Variants in VAV3 observed in about 807,000 individuals in gnomAD.
The protein encoded by VAV3 is guanine nucleotide exchange factor VAV3.
VAV3 carries 94 observed loss-of-function variants against 131.2 expected under a neutral mutation model. The ratio of observed to expected loss-of-function variants is 0.72; its 90% CI spans 0.61 to 0.85. VAV3 has a LOEUF of 0.85. Among genes scored for constraint, VAV3 ranks in the 40% least tolerant of loss-of-function variants. The pLI, the probability that VAV3 is intolerant of heterozygous loss-of-function variation, is 0.00. For synonymous variants in VAV3, 349 were observed against 342.0 expected, an observed-to-expected ratio of 1.02 and a Z score of -0.22; for missense variants, 939 against 1,002.7, an observed-to-expected ratio of 0.94 and a Z score of 0.86.
At chr1:107,796,124 T>C (rs557691232) in intron 2 of VAV3, among the ~76,000 whole-genome samples, 2 of 152,236 alleles carry the variant, frequency 1.3e-5, no homozygotes, top group East Asian at 1.9e-4. Flanking sequence ...AGTGACTCCT[T>C]GGACAGCTGC....
chr1:107,799,985 G>C (rs761160328), intron 2 of VAV3, among the ~76,000 whole-genome samples: 1 of 152,074 alleles, frequency 6.6e-6, no homozygotes, highest in Non-Finnish European at 1.5e-5. Flanking sequence ...TTAACATAAT[G>C]ATCTCCAGTC....
chr1:107,685,563 G>A (rs895509658), intron 18 of VAV3, among the ~76,000 whole-genome samples: 1 of 152,086 alleles, frequency 6.6e-6, no homozygotes, highest in Non-Finnish European at 1.5e-5. Context: ...CTGAAAGTCA[G>A]TCACTCTGAA....
At chr1:107,699,106 C>A (rs1044517517) in intron 17 of VAV3, among the ~76,000 whole-genome samples, 12 of 152,330 alleles carry the variant, frequency 7.9e-5, no homozygotes, top group Non-Finnish European at 2.9e-5. Flanking sequence ...AAAGTCTTAA[C>A]TAATTTCAGC....
intron 1 of VAV3, among the ~76,000 whole-genome samples, chr1:107,958,090 T>C (rs1382680388): frequency 2.0e-5 from 3 of 152,206 alleles, no homozygotes; most frequent in Admixed American, 1.3e-4. Context: ...CTGATTGGTA[T>C]TGAGTTTAAA....
intron 20 of VAV3, among the ~76,000 whole-genome samples, chr1:107,624,542 A>G (rs1305506771): frequency 1.3e-5 from 2 of 152,198 alleles, no homozygotes; most frequent in South Asian, 4.1e-4. Flanking sequence ...AGGTTCTACC[A>G]TATCTTGGTG....
chr1:107,772,618 G>T, intron 5 of VAV3, 117 bp downstream of exon 5: 1 of 808,556 alleles, frequency 1.2e-6, no homozygotes, highest in Non-Finnish European at 1.9e-6. Flanking sequence ...TAATTATATA[G>T]TTATAAGCAA....
chr1:107,669,393 CTTG>C, intron 19 of VAV3: 1 of 1,289,712 alleles, frequency 7.8e-7, no homozygotes, highest in Non-Finnish European at 1.0e-6. Context: ...CTCAGAATTT[CTTG>C]TTCTTCTTTT....
chr1:107,952,182 CATT>C (rs1267484346), intron 1 of VAV3, among the ~76,000 whole-genome samples: 1 of 151,964 alleles, frequency 6.6e-6, no homozygotes, highest in African/African-American at 2.4e-5. Context: ...CGCTGGAGGC[CATT>C]ATCCTTAGCA....
chr1:107,939,568 T>G (rs904360058), intron 1 of VAV3, among the ~76,000 whole-genome samples: 4 of 152,156 alleles, frequency 2.6e-5, no homozygotes, highest in Non-Finnish European at 5.9e-5. Flanking sequence ...GTTTTTTGGT[T>G]TTCCATCCCA....
intron 25 of VAV3, among the ~76,000 whole-genome samples, chr1:107,579,762 C>T (rs1649905190): frequency 6.6e-6 from 1 of 152,168 alleles, no homozygotes. Context: ...AATTCCATGA[C>T]AATTCATAAT....
rs566168914 is a variant in VAV3 at position 107,842,522 on chromosome 1, G to A, written c.321+32379C>T. ...TCCACCCATCTGGTGAACTTCTGTG[G>A]CAGTAGTTTCACTTTAATCTTTGGC... On this transcript the variant is annotated intron_variant, in intron 2 of 26. Coordinates refer to ENST00000370056, the MANE Select transcript of VAV3 (RefSeq NM_006113.5). Among the ~76,000 whole-genome samples, 5 of 152,296 alleles carry A rather than the reference G, an allele frequency of 3.3e-5. No homozygotes were observed. The East Asian group carries it at 9.6e-4, about 29-fold the overall frequency.
At chr1:107,831,657 TTATGAG>T (rs1181779507) in intron 2 of VAV3, among the ~76,000 whole-genome samples, 3 of 152,224 alleles carry the variant, frequency 2.0e-5, no homozygotes, top group Non-Finnish European at 4.4e-5. Flanking sequence ...CCTTGCACAT[TTATGAG>T]TATATTTTAT....
chr1:107,573,831 G>C (rs1293969058), intron 26 of VAV3, among the ~76,000 whole-genome samples: 3 of 152,132 alleles, frequency 2.0e-5, no homozygotes, highest in African/African-American at 7.2e-5. Context: ...ACTTGCCCAG[G>C]TGAATTTTAT....
intron 19 of VAV3, among the ~76,000 whole-genome samples, chr1:107,671,950 TGTG>T (rs1657831259): frequency 6.6e-6 from 1 of 152,106 alleles, no homozygotes; most frequent in African/African-American, 2.4e-5. Context: ...ACAATATAAT[TGTG>T]GTTGTTATGC....
At chr1:107,619,375 G>A (rs1437356648) in intron 20 of VAV3, among the ~76,000 whole-genome samples, 2 of 152,266 alleles carry the variant, frequency 1.3e-5, no homozygotes, top group East Asian at 3.9e-4. Flanking sequence ...AAGGTTGGGT[G>A]AACTGTTTGT....
intron 1 of VAV3, among the ~76,000 whole-genome samples, chr1:107,916,012 G>A (rs898266569): frequency 4.6e-5 from 7 of 152,038 alleles, no homozygotes; most frequent in South Asian, 2.1e-4. Flanking sequence ...TTAACTCAGC[G>A]TAGAAGTTCA....
chr1:107,810,568 T>C (rs1269068571), intron 2 of VAV3, among the ~76,000 whole-genome samples: 1 of 152,214 alleles, frequency 6.6e-6, no homozygotes, highest in East Asian at 1.9e-4. Flanking sequence ...CATCTGAATT[T>C]TCCCTTAGTC....
chr1:107,608,022 G>C (rs754056641), intron 22 of VAV3, among the ~76,000 whole-genome samples: 1 of 151,996 alleles, frequency 6.6e-6, no homozygotes, highest in Non-Finnish European at 1.5e-5. Context: ...TGCCTGCTTA[G>C]TTTAAATAGA....
intron 25 of VAV3, among the ~76,000 whole-genome samples, chr1:107,579,430 T>C (rs898853540): frequency 3.3e-5 from 5 of 152,194 alleles, no homozygotes; most frequent in African/African-American, 1.2e-4. Flanking sequence ...AGTCCCATGT[T>C]TCCCCCCTGC....
Sources: allele counts gnomAD v4.1 joint callset (sites outside exome capture counted in the v4.1 genomes callset), GRCh38; gene constraint gnomAD v4.1.1; transcripts MANE v1.5; gene names NCBI Gene and HGNC (gene_info 2026-07-23, HGNC 2026-07-21).